SGCD: variants seen among roughly 807,000 people sequenced by gnomAD.
SGCD encodes the protein sarcoglycan delta.
In SGCD, 18 loss-of-function variants were observed where a neutral mutation model predicts 36.6. The observed-to-expected ratio is 0.49, with a 90% CI of 0.34 to 0.73. The LOEUF (loss-of-function observed/expected upper bound fraction) is 0.73. Among genes scored for constraint, SGCD ranks in the 30% least tolerant of loss-of-function variants. The pLI, the probability that SGCD is intolerant of heterozygous loss-of-function variation, is 0.01. For missense variants in SGCD, 387 were observed against 346.7 expected, an observed-to-expected ratio of 1.12 and a Z score of -0.92; for synonymous variants, 133 against 130.6, an observed-to-expected ratio of 1.02 and a Z score of -0.12.
At chr5:156,422,447 A>G (rs1270327708) in intron 3 of SGCD, among the ~76,000 whole-genome samples, 2 of 151,980 alleles carry the variant, frequency 1.3e-5, no homozygotes, top group African/African-American at 4.8e-5. Flanking sequence ...TCCACTTCCC[A>G]TTCAAATATA....
intron 1 of SGCD, among the ~76,000 whole-genome samples, chr5:155,890,962 C>T (rs1756115338): frequency 6.6e-6 from 1 of 152,116 alleles, no homozygotes; most frequent in Non-Finnish European, 1.5e-5. Flanking sequence ...CTCATTGTGT[C>T]TCCCTACCAT....
At chr5:156,731,755 T>C (rs1258601544) in intron 7 of SGCD, among the ~76,000 whole-genome samples, 3 of 152,234 alleles carry the variant, frequency 2.0e-5, no homozygotes, top group Non-Finnish European at 4.4e-5. Context: ...ATCTATAAAT[T>C]GCTTTGGGCA....
At chr5:155,782,772 G>A in the SGCD span, among the ~76,000 whole-genome samples, 176 of 152,252 alleles carry the variant, frequency 1.2e-3, 1 homozygote, top group African/African-American at 3.8e-3. Flanking sequence ...TGTGAACTGC[G>A]CATGTGAGGG....
At chr5:156,172,757 TC>T (rs5872454) in intron 3 of SGCD, among the ~76,000 whole-genome samples, 50,653 of 151,940 alleles carry the variant, frequency 0.33, 9,173 homozygotes, top group East Asian at 0.57. Context: ...CATTTAGTGA[TC>T]CCTGGGAGGT....
At chr5:156,083,501 G>A (rs950777847) in intron 1 of SGCD, among the ~76,000 whole-genome samples, 1 of 151,016 alleles carries the variant, frequency 6.6e-6, no homozygotes, top group South Asian at 2.1e-4. Flanking sequence ...CTCCGTGTTG[G>A]TCAGGTTGGT....
At chr5:156,640,450 T>G (rs1762988381) in intron 6 of SGCD, among the ~76,000 whole-genome samples, 1 of 152,154 alleles carries the variant, frequency 6.6e-6, no homozygotes, top group African/African-American at 2.4e-5. Flanking sequence ...TAAAAATGGA[T>G]TTAAATATTT....
intron 1 of SGCD, among the ~76,000 whole-genome samples, chr5:156,104,278 T>C (rs1037210677): frequency 1.3e-5 from 2 of 152,166 alleles, no homozygotes; most frequent in African/African-American, 4.8e-5. Flanking sequence ...TGTAAGACAG[T>C]CTTACTCTAA....
the SGCD span, among the ~76,000 whole-genome samples, chr5:155,757,479 G>T: frequency 6.6e-6 from 1 of 152,302 alleles, no homozygotes; most frequent in East Asian, 1.9e-4. Flanking sequence ...GAAATGGAAA[G>T]ACAGAACCTT....
the SGCD span, among the ~76,000 whole-genome samples, chr5:155,754,183 T>C: frequency 6.6e-6 from 1 of 152,218 alleles, no homozygotes; most frequent in African/African-American, 2.4e-5. Flanking sequence ...TGACCATGAA[T>C]GCTTTTCTAA....
intron 1 of SGCD, among the ~76,000 whole-genome samples, chr5:156,029,834 A>G (rs1188333945): frequency 6.6e-6 from 1 of 152,104 alleles, no homozygotes; most frequent in Non-Finnish European, 1.5e-5. Context: ...AAAAATTTGT[A>G]TTGACAATAT....
chr5:156,740,891 A>G (rs1457211493), intron 7 of SGCD, among the ~76,000 whole-genome samples: 1 of 151,590 alleles, frequency 6.6e-6, no homozygotes, highest in Non-Finnish European at 1.5e-5. Flanking sequence ...AGCTGCTTTA[A>G]TTGACCAAAA....
At chr5:156,146,091 T>C (rs1762705589) in intron 3 of SGCD, among the ~76,000 whole-genome samples, 1 of 152,122 alleles carries the variant, frequency 6.6e-6, no homozygotes, top group Admixed American at 6.5e-5. Flanking sequence ...TGGGCGCCTG[T>C]AGTCCCAGCT....
chr5:155,934,904 G>A (rs935918243), intron 1 of SGCD, among the ~76,000 whole-genome samples: 2 of 152,186 alleles, frequency 1.3e-5, no homozygotes, highest in Admixed American at 1.3e-4. Flanking sequence ...TGTGGCCAGT[G>A]CCTGGAGTAA....
intron 3 of SGCD, among the ~76,000 whole-genome samples, chr5:156,219,639 AT>A (rs143590006): frequency 0.013 from 1,974 of 152,294 alleles, 52 homozygotes; most frequent in African/African-American, 0.045. Context: ...GTAATACTTT[AT>A]TGAGGTCATA....
chr5:156,110,553 T>A (rs555557842), intron 1 of SGCD, among the ~76,000 whole-genome samples: 1 of 152,226 alleles, frequency 6.6e-6, no homozygotes, highest in South Asian at 2.1e-4. Context: ...CTGTATAGTG[T>A]TGGACTTGTT....
In SGCD at chr5:156,689,702, G is replaced by A. The variant is rs144609975; in HGVS notation, c.575+42166G>A. Among the ~76,000 whole-genome samples, 3 of 152,216 alleles carry A rather than the reference G, an allele frequency of 2.0e-5. No individual in the cohort carries two copies. In the East Asian group the frequency reaches 5.8e-4, roughly 29 times the overall value. On this transcript the variant is annotated intron_variant, in intron 7 of 8. Transcript: ENST00000337851. ...GTTGGCAATTGGTTGAGGTCATCAG[G>A]GCTGTTCTGACTTGACAGGTAGGAG... is the stretch of plus-strand genomic sequence containing the variant.
At chr5:156,470,451 T>G (rs1329482215) in intron 3 of SGCD, among the ~76,000 whole-genome samples, 1 of 152,068 alleles carries the variant, frequency 6.6e-6, no homozygotes, top group Non-Finnish European at 1.5e-5. Flanking sequence ...CACTAACTCG[T>G]CATTTAGCAT....
intron 6 of SGCD, among the ~76,000 whole-genome samples, chr5:156,626,554 C>A (rs2113517629): frequency 6.6e-6 from 1 of 152,252 alleles, no homozygotes; most frequent in African/African-American, 2.4e-5. Flanking sequence ...AGTGTGAGCA[C>A]AATGACCTAT....
intron 7 of SGCD, among the ~76,000 whole-genome samples, chr5:156,696,325 A>G (rs997709155): frequency 3.3e-5 from 5 of 152,172 alleles, no homozygotes; most frequent in Non-Finnish European, 7.3e-5. Context: ...GTCCTGGGCC[A>G]TAGGCAGGAT....
Sources: gnomAD v4.1 joint callset for allele counts (sites outside exome capture counted in the v4.1 genomes callset) on GRCh38, gnomAD v4.1.1 for gene constraint, MANE v1.5 for transcripts, NCBI Gene and HGNC (gene_info 2026-07-23, HGNC 2026-07-21) for gene names.